The following DOCK1 variants were observed in gnomAD, a reference collection of about 807,000 sequenced individuals.
DOCK1 encodes dedicator of cytokinesis 1, also known as dedicator of cytokinesis protein 1.
DOCK1 carries 138 observed loss-of-function variants against 262.7 expected under a neutral mutation model. The observed-to-expected ratio is 0.53, with a 90% CI of 0.46 to 0.61. The LOEUF (loss-of-function observed/expected upper bound fraction) is 0.61. Ranked by LOEUF, DOCK1 falls within the 20% of genes least tolerant of loss-of-function variation. The pLI is 0.00. For missense variants in DOCK1, 1,908 were observed against 2,370.7 expected (o/e 0.80, Z 4.05); for synonymous variants, 866 against 867.4 (o/e 1.00, Z 0.03).
At chr10:127,050,602 G>A (rs1056322930) in intron 21 of DOCK1, among the ~76,000 whole-genome samples, 14 of 151,886 alleles carry the variant, frequency 9.2e-5, no homozygotes, top group African/African-American at 3.4e-4. Flanking sequence ...CTGTGTGGGA[G>A]GCTGAGGCAG....
chr10:127,424,241 A>G (rs932367807), intron 46 of DOCK1, among the ~76,000 whole-genome samples: 2 of 152,198 alleles, frequency 1.3e-5, no homozygotes, highest in Non-Finnish European at 2.9e-5. Context: ...GGAACTGCTG[A>G]GAGTGGTGAA....
At chr10:127,209,896 G>A (rs552096496) in intron 27 of DOCK1, among the ~76,000 whole-genome samples, 2 of 152,126 alleles carry the variant, frequency 1.3e-5, no homozygotes, top group African/African-American at 2.4e-5. Flanking sequence ...GAGACATTCC[G>A]TTGAGAGCCT....
At chr10:126,962,262 C>G (rs1484688596) in intron 1 of DOCK1, among the ~76,000 whole-genome samples, 2 of 151,960 alleles carry the variant, frequency 1.3e-5, no homozygotes, top group African/African-American at 4.8e-5. Flanking sequence ...CCGGTTCGAA[C>G]AATTCTCCTG....
chr10:126,993,182 G>A (rs925953871), intron 6 of DOCK1, among the ~76,000 whole-genome samples: 9 of 152,246 alleles, frequency 5.9e-5, no homozygotes, highest in Admixed American at 2.0e-4. Flanking sequence ...GTGGCAGGAC[G>A]TGCACAGCAG....
intron 29 of DOCK1, among the ~76,000 whole-genome samples, chr10:127,260,904 T>C (rs1432457973): frequency 3.4e-5 from 5 of 145,814 alleles, no homozygotes; most frequent in African/African-American, 1.3e-4. Flanking sequence ...CTCATCTGTG[T>C]ACCTGCACGT....
chr10:127,335,273 CAGAT>C lies in DOCK1; in HGVS notation c.3045-3729_3045-3726del, dbSNP rs147178749. Reference sequence around the variant, plus strand: ...AACCCAACTCCAGCAGTGTCCAGCACAGATAGAGTTGTCAGGATGCAGAGTCAGG... The same window carrying C: ...AACCCAACTCCAGCAGTGTCCAGCACAGAGTTGTCAGGATGCAGAGTCAGG... On this transcript the variant is annotated intron_variant, in intron 29 of 51. Transcript: ENST00000623213. Among the ~76,000 whole-genome samples, 228 of 152,282 alleles carry C rather than the reference CAGAT, an allele frequency of 1.5e-3. 2 individuals are homozygous for C. In the East Asian group the frequency reaches 0.023, roughly 15 times the overall value.
At chr10:127,270,526 C>T (rs1348354946) in intron 29 of DOCK1, among the ~76,000 whole-genome samples, 1 of 151,776 alleles carries the variant, frequency 6.6e-6, no homozygotes, top group African/African-American at 2.4e-5. Context: ...GGCTGACTTT[C>T]CTCCCTCCCT....
At chr10:127,210,363 C>T (rs61741380) in intron 27 of DOCK1, among the ~76,000 whole-genome samples, 7,764 of 152,158 alleles carry the variant, frequency 0.051, 263 homozygotes, top group Middle Eastern at 0.082. Context: ...AGGTGGCAGG[C>T]GGCATTAGAG....
chr10:127,361,950 G>A (rs201490094), intron 32 of DOCK1, 114 bp from the exon 33 acceptor site: 215 of 1,208,932 alleles, frequency 1.8e-4, no homozygotes, highest in East Asian at 1.2e-3. Context: ...GCACATTTTC[G>A]GGATCCTGCT....
intron 27 of DOCK1, among the ~76,000 whole-genome samples, chr10:127,205,861 T>C (rs2057696057): frequency 6.6e-6 from 1 of 152,216 alleles, no homozygotes; most frequent in Non-Finnish European, 1.5e-5. Context: ...TTGACAAGCA[T>C]GAATAGTCTC....
chr10:126,966,170 ATGT>A, intron 1 of DOCK1, among the ~76,000 whole-genome samples: 1 of 152,174 alleles, frequency 6.6e-6, no homozygotes, highest in South Asian at 2.1e-4. Context: ...AATTCCATCC[ATGT>A]TGTTGGGAAT....
intron 27 of DOCK1, among the ~76,000 whole-genome samples, chr10:127,241,732 G>C (rs1374665678): frequency 6.6e-6 from 1 of 152,170 alleles, no homozygotes; most frequent in Non-Finnish European, 1.5e-5. Flanking sequence ...AGAAAAGAGA[G>C]AGGGGAGTAT....
At chr10:127,074,016 C>T (rs112463769) in intron 23 of DOCK1, among the ~76,000 whole-genome samples, 7 of 152,106 alleles carry the variant, frequency 4.6e-5, no homozygotes, top group African/African-American at 1.4e-4. Flanking sequence ...TCCCAGGAAA[C>T]GTTTTATTGA....
intron 29 of DOCK1, 41 bp from the exon 30 acceptor site, chr10:127,338,965 G>C: frequency 6.6e-7 from 1 of 1,518,288 alleles, no homozygotes; most frequent in Non-Finnish European, 8.9e-7. Flanking sequence ...AAGTGCCAGA[G>C]CGTAAGTGTG....
intron 31 of DOCK1, among the ~76,000 whole-genome samples, chr10:127,350,539 T>G (rs1490745479): frequency 6.6e-6 from 1 of 152,220 alleles, no homozygotes; most frequent in Non-Finnish European, 1.5e-5. Flanking sequence ...CACTGTTACA[T>G]TTTCTCACAG....
rs764060092 is a variant in DOCK1 at position 127,176,162 on chromosome 10, C to T, written c.2847+48398C>T. ...ATTTGCGGTAGGCTGCTCTGCAGGA[C>T]ACGGGCTTGGCCTCCCGCTTCTCCC... is the stretch of plus-strand genomic sequence containing the variant. On this transcript the variant is annotated intron_variant, in intron 27 of 51. Transcript: ENST00000623213. The surrounding 1 kb of genome is among the most constrained non-coding windows in gnomAD (Gnocchi z 4.4). 2.5e-6 allele frequency: 4 copies of T among 1,614,002 alleles called. No homozygotes were observed. The highest frequency in any genetic ancestry group is 2.7e-5 in the African/African-American group (2 of 74,902).
intron 27 of DOCK1, among the ~76,000 whole-genome samples, chr10:127,138,571 T>A (rs2050912475): frequency 6.6e-6 from 1 of 152,170 alleles, no homozygotes; most frequent in Non-Finnish European, 1.5e-5. Flanking sequence ...AGGGCCATAG[T>A]GCCCAACGCT....
At chr10:127,172,147 A>G (rs2483847) in intron 27 of DOCK1, among the ~76,000 whole-genome samples, 75,540 of 152,056 alleles carry the variant, frequency 0.5, 20,553 homozygotes, top group East Asian at 0.75. Flanking sequence ...TAAAATACCA[A>G]CTTCCCAGTT....
chr10:127,440,647 C>T (rs1233276609), intron 49 of DOCK1, among the ~76,000 whole-genome samples: 1 of 152,176 alleles, frequency 6.6e-6, no homozygotes, highest in African/African-American at 2.4e-5. Context: ...ATACTTCATG[C>T]CACTCAGAAA....
Sources: gnomAD v4.1 joint callset for allele counts (sites outside exome capture counted in the v4.1 genomes callset) on GRCh38, gnomAD v4.1.1 for gene constraint, Gnocchi (gnomAD v3.1) non-coding constraint, MANE v1.5 for transcripts, NCBI Gene and HGNC (gene_info 2026-07-23, HGNC 2026-07-21) for gene names.